Variants in FSTL4 observed in about 807,000 individuals in gnomAD.
FSTL4 encodes follistatin like 4.
A neutral mutation model predicts 78.2 loss-of-function variants in FSTL4; 28 were observed. That is an observed-to-expected ratio of 0.36 (90% CI 0.27 to 0.49). The LOEUF is 0.49. Among genes scored for constraint, FSTL4 ranks in the 20% least tolerant of loss-of-function variants. The pLI is 0.98. For synonymous variants in FSTL4, 422 were observed against 440.5 expected (o/e 0.96, Z 0.53); for missense variants, 922 against 1,084.9 (o/e 0.85, Z 2.11).
chr5:133,422,529 G>A (rs1205245408), intron 3 of FSTL4, among the ~76,000 whole-genome samples: 6 of 151,782 alleles, frequency 4.0e-5, no homozygotes, highest in Admixed American at 6.6e-5. Context: ...TACTAAAAGG[G>A]GGAAAACGTG....
At chr5:133,447,844 A>T (rs918501193) in intron 3 of FSTL4, among the ~76,000 whole-genome samples, 1 of 152,144 alleles carries the variant, frequency 6.6e-6, no homozygotes, top group Non-Finnish European at 1.5e-5. Context: ...CCAGCCTAGG[A>T]TTATAATTTT....
chr5:133,287,614 T>C (rs1041081357), intron 6 of FSTL4, among the ~76,000 whole-genome samples: 1 of 152,160 alleles, frequency 6.6e-6, no homozygotes, highest in African/African-American at 2.4e-5. Context: ...GCTTCTCCCC[T>C]GCCCAGAGCT....
At chr5:133,813,184 G>GT in the FSTL4 span, among the ~76,000 whole-genome samples, 1 of 152,128 alleles carries the variant, frequency 6.6e-6, no homozygotes, top group Non-Finnish European at 1.5e-5. Flanking sequence ...TGAAAGCCAC[G>GT]TATGTAGCTT....
At chr5:133,211,718 G>A (rs137997005) in intron 13 of FSTL4, among the ~76,000 whole-genome samples, 13 of 152,072 alleles carry the variant, frequency 8.5e-5, no homozygotes, top group African/African-American at 2.2e-4. Context: ...CTTACCTCAC[G>A]TGGCCTCCCG....
intron 3 of FSTL4, among the ~76,000 whole-genome samples, chr5:133,500,429 C>T (rs1403247408): frequency 6.6e-6 from 1 of 152,154 alleles, no homozygotes; most frequent in African/African-American, 2.4e-5. Flanking sequence ...CAATTCCTTC[C>T]TCAGAAGGAA....
intron 6 of FSTL4, among the ~76,000 whole-genome samples, chr5:133,260,440 G>T (rs1465980662): frequency 6.6e-6 from 1 of 152,228 alleles, no homozygotes; most frequent in Non-Finnish European, 1.5e-5. Context: ...ATTTGTTTTT[G>T]ATTCCAATTT....
chr5:133,350,172 T>C lies in FSTL4; in HGVS notation c.410-33520A>G, dbSNP rs576162987. On this transcript the variant is annotated intron_variant, in intron 4 of 15. Transcript: ENST00000265342. ...GGACTTTATGTTTGTCAGGCTGCCA[T>C]GTGACTGTAAAGGACCCATAGGATG... Among the ~76,000 whole-genome samples the C allele has an allele frequency of 1.6e-4, 24 of 152,194 alleles. 1 individual carries two copies. The South Asian group carries it at 5.0e-3, about 32-fold the overall frequency.
the FSTL4 span, among the ~76,000 whole-genome samples, chr5:133,623,103 T>C: frequency 6.6e-6 from 1 of 151,740 alleles, no homozygotes; most frequent in Non-Finnish European, 1.5e-5. Flanking sequence ...TTTTTTTTCC[T>C]ACAAATGTCC....
At position 133,415,186 on chromosome 5, in the gene FSTL4, C is replaced by T. The variant is rs891486791; in HGVS notation, c.161-14200G>A. 5.9e-5 allele frequency among the ~76,000 whole-genome samples: 9 copies of T among 152,302 alleles called. No homozygotes were observed. In the East Asian group the frequency reaches 7.7e-4, roughly 13 times the overall value. ...CAATGCCTTGCTTTAGGCAGGCCCA[C>T]CACAGTGTGGGTCTCGACCTATAAT... On this transcript the variant is annotated intron_variant, in intron 3 of 15. Transcript: ENST00000265342.
At chr5:133,267,761 G>A (rs948313867) in intron 6 of FSTL4, among the ~76,000 whole-genome samples, 5 of 152,276 alleles carry the variant, frequency 3.3e-5, no homozygotes, top group African/African-American at 1.2e-4. Flanking sequence ...GTTCCAAGTG[G>A]GGGAGGTGTG....
the FSTL4 span, among the ~76,000 whole-genome samples, chr5:133,670,030 G>GCTACA: frequency 7.5e-4 from 114 of 152,178 alleles, no homozygotes; most frequent in South Asian, 0.019. Flanking sequence ...CCCTGTGTTT[G>GCTACA]CTACACGCTC....
intron 3 of FSTL4, among the ~76,000 whole-genome samples, chr5:133,454,166 A>G (rs765392761): frequency 6.6e-6 from 1 of 152,202 alleles, no homozygotes; most frequent in Non-Finnish European, 1.5e-5. Context: ...CCTAGCAACC[A>G]AAAAAGAAAA....
the FSTL4 span, among the ~76,000 whole-genome samples, chr5:133,621,317 G>A: frequency 2.6e-5 from 4 of 152,058 alleles, no homozygotes; most frequent in South Asian, 2.1e-4. Context: ...GGAGAATGGC[G>A]TGAACCCGGG....
intron 4 of FSTL4, among the ~76,000 whole-genome samples, chr5:133,372,269 G>GTATCTATCTATCTATCTATCTATC (rs70974084): frequency 3.5e-5 from 5 of 142,926 alleles, no homozygotes; most frequent in African/African-American, 1.3e-4. Context: ...ATGTATGTAT[G>GTATCTATCTATCTATCTATCTATC]TATCTATCTA....
intron 7 of FSTL4, among the ~76,000 whole-genome samples, chr5:133,237,364 C>A (rs565076456): frequency 1.3e-5 from 2 of 152,318 alleles, no homozygotes; most frequent in South Asian, 2.1e-4. Flanking sequence ...CCAACACAGT[C>A]ATTTAACCTC....
chr5:133,586,274 AC>A (rs1277872991), intron 2 of FSTL4, among the ~76,000 whole-genome samples: 1 of 105,062 alleles, frequency 9.5e-6, no homozygotes, highest in Admixed American at 1.0e-4. Flanking sequence ...GCAAGACATA[AC>A]TAAAATCAGA....
intron 3 of FSTL4, among the ~76,000 whole-genome samples, chr5:133,540,486 G>A (rs1759442933): frequency 6.6e-6 from 1 of 151,922 alleles, no homozygotes; most frequent in Non-Finnish European, 1.5e-5. Context: ...TTTCCTGGAT[G>A]GAAGAGTCTA....
At chr5:133,447,686 C>A (rs1757296397) in intron 3 of FSTL4, among the ~76,000 whole-genome samples, 1 of 152,098 alleles carries the variant, frequency 6.6e-6, no homozygotes, top group African/African-American at 2.4e-5. Context: ...ACTACAGGTG[C>A]CCGCCACCAC....
chr5:133,319,543 T>G (rs1485715523), intron 4 of FSTL4, among the ~76,000 whole-genome samples: 1 of 152,092 alleles, frequency 6.6e-6, no homozygotes, highest in East Asian at 1.9e-4. Context: ...GGGGCACGTC[T>G]GGAGACTGGT....
Sources: allele counts gnomAD v4.1 joint callset (sites outside exome capture counted in the v4.1 genomes callset), GRCh38; gene constraint gnomAD v4.1.1; transcripts MANE v1.5; gene names NCBI Gene and HGNC (gene_info 2026-07-23, HGNC 2026-07-21).